RSBN1: variants seen among roughly 807,000 people sequenced by gnomAD.
RSBN1 encodes the protein round spermatid basic protein 1, also known as lysine-specific demethylase 9.
In RSBN1, 23 loss-of-function variants were observed where a neutral mutation model predicts 74.8. The ratio of observed to expected loss-of-function variants is 0.31; its 90% CI spans 0.22 to 0.44. The LOEUF (loss-of-function observed/expected upper bound fraction) is 0.44, where lower values mean the gene tolerates loss of function less well. Among genes scored for constraint, RSBN1 ranks in the 20% least tolerant of loss-of-function variants. The pLI is 1.00. For synonymous variants in RSBN1, 407 were observed against 379.6 expected, an observed-to-expected ratio of 1.07 and a Z score of -0.84; for missense variants, 808 against 1,020.9, an observed-to-expected ratio of 0.79 and a Z score of 2.84.
At chr1:113,790,718 G>A (rs749522877) in intron 2 of RSBN1, among the ~76,000 whole-genome samples, 2 of 152,120 alleles carry the variant, frequency 1.3e-5, no homozygotes, top group Non-Finnish European at 2.9e-5. Context: ...AGTTTATGAT[G>A]CTCTGAAATT....
chr1:113,803,051 T>C (rs1401524898), intron 1 of RSBN1, among the ~76,000 whole-genome samples: 2 of 152,216 alleles, frequency 1.3e-5, no homozygotes, highest in African/African-American at 4.8e-5. Flanking sequence ...CTTTTAACTT[T>C]CTTGATAGTT....
chr1:113,792,459 C>T (rs184855091), intron 2 of RSBN1, among the ~76,000 whole-genome samples: 1 of 151,994 alleles, frequency 6.6e-6, no homozygotes, highest in East Asian at 1.9e-4. Flanking sequence ...TCCGAACATG[C>T]TAGGAGGCCA....
At chr1:113,780,700 A>C (rs1367556974) in intron 2 of RSBN1, among the ~76,000 whole-genome samples, 1 of 152,242 alleles carries the variant, frequency 6.6e-6, no homozygotes, top group Non-Finnish European at 1.5e-5. Flanking sequence ...TGTGAGTACC[A>C]ATGTTGTATC....
intron 2 of RSBN1, among the ~76,000 whole-genome samples, chr1:113,791,362 C>A (rs746983926): frequency 3.3e-5 from 5 of 152,180 alleles, no homozygotes; most frequent in Non-Finnish European, 7.4e-5. Flanking sequence ...CTCAACTTCA[C>A]AGTTATCCTG....
intron 4 of RSBN1, among the ~76,000 whole-genome samples, chr1:113,770,518 A>AGAAAAACTGCACATTCTCT (rs1230423186): frequency 8.5e-5 from 13 of 152,232 alleles, no homozygotes; most frequent in African/African-American, 2.7e-4. Flanking sequence ...ACTTTCAGCC[A>AGAAAAACTGCACATTCTCT]GAAAAACTGC....
At chr1:113,793,816 C>T (rs1194759515) in intron 2 of RSBN1, among the ~76,000 whole-genome samples, 7 of 151,992 alleles carry the variant, frequency 4.6e-5, no homozygotes, top group Non-Finnish European at 1.0e-4. Context: ...TACAGGCGCC[C>T]GCCACCATGT....
chr1:113,764,670 GA>G lies in RSBN1; in HGVS notation c.*1309del, dbSNP rs34446138. ...AAATATTTCAAATCTTACCATCCAGGAAAAAAAAAAAATCTCCAAATTGCAC... is the reference window on the plus strand; with the variant it reads ...AAATATTTCAAATCTTACCATCCAGGAAAAAAAAAAATCTCCAAATTGCAC... On this transcript the variant is annotated 3_prime_UTR_variant, in exon 7 of 7. Transcript: ENST00000261441. The G allele has an allele frequency of 0.26, 36,207 of 139,034 alleles. 5,097 individuals are homozygous for G. Among genetic ancestry groups the G allele is most frequent in the East Asian group, 0.61 (3,044 of 5,022 alleles). The allele number at this position is 139,034 out of a possible 1,614,324, so 8.6% of individuals were successfully genotyped here.
chr1:113,797,951 T>C lies in RSBN1; in HGVS notation c.789A>G (p.Arg263=). Residue 263 remains arginine, a synonymous_variant, in exon 2 of 7, where the codon CGA becomes CGG. Transcript: ENST00000261441. ...TAAGGCGTCTTCCTCGCATGTCTTC[T>C]CGGTGTTTCTTTTTCTTTTTCTTCT... ...KIKKKKKKKH[R]EDMRGRRLKM... The C allele has an allele frequency of 6.2e-7, 1 of 1,613,822 alleles. No homozygotes were observed. The highest frequency in any genetic ancestry group is 8.5e-7 in the Non-Finnish European group (1 of 1,179,932).
chr1:113,802,599 T>C (rs912002781), intron 1 of RSBN1, among the ~76,000 whole-genome samples: 14 of 152,200 alleles, frequency 9.2e-5, no homozygotes, highest in Non-Finnish European at 1.5e-4. Context: ...CTCTATATTA[T>C]GGTGTTTTAA....
chr1:113,808,600 G>T (rs1307962911), intron 1 of RSBN1, among the ~76,000 whole-genome samples: 4 of 152,128 alleles, frequency 2.6e-5, no homozygotes, highest in Non-Finnish European at 5.9e-5. Context: ...TCTTATACGG[G>T]AATGATTCAA....
intron 2 of RSBN1, among the ~76,000 whole-genome samples, chr1:113,780,603 A>C (rs554334979): frequency 6.6e-6 from 1 of 152,252 alleles, no homozygotes; most frequent in Non-Finnish European, 1.5e-5. Flanking sequence ...GCGACCTCAT[A>C]ATTTCGCCAA....
Position 113,781,181 on chromosome 1 carries a change from T to C in RSBN1, c.1378-3373A>G, listed in dbSNP as rs139638927. Among the ~76,000 whole-genome samples, 175 of 152,332 alleles carry C rather than the reference T, an allele frequency of 1.1e-3. 3 individuals are homozygous for C. Among genetic ancestry groups the C allele is most frequent in the African/African-American group, 3.9e-3 (163 of 41,568 alleles). ...TTCATCATTTAAGCCCATTTTAAAA[T>C]TGACTATCCTGCAACTTGCCATCAA... is the stretch of plus-strand genomic sequence containing the variant. On this transcript the variant is annotated intron_variant, in intron 2 of 6. Transcript: ENST00000261441.
chr1:113,767,264 C>G, intron 5 of RSBN1, 57 bp from the exon 6 acceptor site: 1 of 1,002,720 alleles, frequency 1.0e-6, no homozygotes, highest in East Asian at 2.7e-5. Context: ...AAAATGATGA[C>G]AAATTTCAGT....
intron 4 of RSBN1, among the ~76,000 whole-genome samples, chr1:113,769,835 T>C (rs558056774): frequency 3.3e-5 from 5 of 152,124 alleles, no homozygotes; most frequent in South Asian, 4.1e-4. Flanking sequence ...TGAACAGAAA[T>C]GAAGTGAGGC....
chr1:113,811,661 G>C lies in RSBN1; in HGVS notation c.703+49C>G, dbSNP rs766200588. The C allele has an allele frequency of 3.9e-6, 6 of 1,526,310 alleles. No individual in the cohort carries two copies. In the African/African-American group the frequency reaches 6.9e-5, roughly 18 times the overall value. 94.5% of individuals were successfully genotyped at this position (1,526,310 alleles called of 1,614,324 possible). ...TCAGTCCTAAAGATGCGGGATATCG[G>C]AACTGAGAGAGACCTAGAACCCAAG... On this transcript the variant is annotated intron_variant, in intron 1 of 6. Transcript: ENST00000261441.
rs374464244 is a variant in RSBN1 at position 113,811,775 on chromosome 1, T to G, written c.638A>C (p.His213Pro). The change falls in exon 1 of 7, where the codon CAC becomes CCC. Residue 213 changes from histidine (H) to proline (P), a missense_variant. Transcript: ENST00000261441. ...DPSSCGTDLK[H>P]KDKQENGERT... ...CTCGCCGTTTTCCTGCTTGTCCTTG[T>G]GCTTGAGATCGGTTCCGCAGGAGCT... 9 of 1,613,630 alleles carry G rather than the reference T, an allele frequency of 5.6e-6. No homozygotes were observed. The highest frequency in any genetic ancestry group is 7.6e-6 in the Non-Finnish European group (9 of 1,179,900).
intron 2 of RSBN1, among the ~76,000 whole-genome samples, chr1:113,791,966 C>G (rs1404783331): frequency 2.0e-5 from 3 of 151,998 alleles, no homozygotes; most frequent in Admixed American, 1.3e-4. Context: ...AGGCCTTGTC[C>G]CAACACACAA....
At position 113,812,434 on chromosome 1, in the gene RSBN1, C is replaced by T. The variant is rs772265464; in HGVS notation, c.-22G>A. 6.4e-7 allele frequency: 1 copy of T among 1,568,180 alleles called. No homozygotes were observed. Among genetic ancestry groups the T allele is most frequent in the Non-Finnish European group, 8.6e-7 (1 of 1,163,946 alleles). On this transcript the variant is annotated 5_prime_UTR_variant, in exon 1 of 7. Transcript: ENST00000261441. ...ACATGCCGGAAGCGGCCGTTCCCAG[C>T]TTTTCTCCGCAGGCCTCTCCAACCG...
At chr1:113,792,197 C>T (rs1483830742) in intron 2 of RSBN1, among the ~76,000 whole-genome samples, 1 of 152,076 alleles carries the variant, frequency 6.6e-6, no homozygotes, top group Non-Finnish European at 1.5e-5. Context: ...TCTTCCCTAC[C>T]CCCAGCAAAC....
Sources: allele counts gnomAD v4.1 joint callset (sites outside exome capture counted in the v4.1 genomes callset), GRCh38; gene constraint gnomAD v4.1.1; transcripts MANE v1.5; gene names NCBI Gene and HGNC (gene_info 2026-07-23, HGNC 2026-07-21).